GPR89A: variants seen among roughly 807,000 people sequenced by gnomAD.
GPR89A encodes G protein-coupled receptor 89A.
A neutral mutation model predicts 52.0 loss-of-function variants in GPR89A; 16 were observed. The ratio of observed to expected loss-of-function variants is 0.31; its 90% CI spans 0.21 to 0.47. GPR89A has a LOEUF of 0.47. GPR89A is among the 20% of genes least tolerant of loss of function. The pLI is 1.00. For missense variants in GPR89A, 135 were observed against 449.4 expected, an observed-to-expected ratio of 0.30 and a Z score of 6.33; for synonymous variants, 55 against 150.9, an observed-to-expected ratio of 0.36 and a Z score of 4.66.
chr1:145,633,210 GTTAA>G (rs1219303603), intron 7 of GPR89A, among the ~76,000 whole-genome samples: 1 of 77,248 alleles, frequency 1.3e-5, no homozygotes, highest in Non-Finnish European at 2.5e-5. Context: ...TCTTCACTCT[GTTAA>G]TTGTTTTCTT....
chr1:145,638,199 G>C lies in GPR89A; in HGVS notation c.618-5670G>C, dbSNP rs1395583665. Among the ~76,000 whole-genome samples the C allele has an allele frequency of 2.0e-5, 3 of 150,210 alleles. 1 individual carries two copies. In the East Asian group the frequency reaches 5.8e-4, roughly 29 times the overall value. ...TAAAATAAAAATAAAAATTGAGATA[G>C]AGTAATAGAAATTATTTAATCTGAA... On this transcript the variant is annotated intron_variant, in intron 7 of 13. Coordinates refer to ENST00000313835, the MANE Select transcript of GPR89A (RefSeq NM_001097612.2).
At chr1:145,625,465 GAGT>G (rs1444153319) in intron 5 of GPR89A, among the ~76,000 whole-genome samples, 4 of 139,600 alleles carry the variant, frequency 2.9e-5, no homozygotes, top group Non-Finnish European at 6.1e-5. Context: ...TCAGCCTCCT[GAGT>G]AACGGGGACT....
rs782540403 is a variant in GPR89A, at chr1:145,608,139, T to C, written c.6T>C (p.Ser2=). The change falls in exon 1 of 14, where the codon AGT becomes AGC. Residue 2 remains serine, a synonymous_variant. Transcript: ENST00000313835. M[S]FLIDSSIMIT... is the part of the protein sequence containing the mutation. ...AGCCTTCCTTACACTTCGCCATGAG[T>C]TTCCTCATCGACTCCAGCATCATGA... is the stretch of plus-strand genomic sequence containing the variant. 2 of 1,613,140 alleles carry C rather than the reference T, an allele frequency of 1.2e-6. No individual in the cohort carries two copies. Among genetic ancestry groups the C allele is most frequent in the Non-Finnish European group, 1.7e-6 (2 of 1,179,750 alleles).
At chr1:145,651,032 A>C (rs1343582408) in intron 10 of GPR89A, among the ~76,000 whole-genome samples, 1 of 151,850 alleles carries the variant, frequency 6.6e-6, no homozygotes, top group Non-Finnish European at 1.5e-5. Context: ...CTTTTGTGGC[A>C]ATTGCTTTTG....
chr1:145,658,166 T>TG (rs201655742), intron 10 of GPR89A, among the ~76,000 whole-genome samples: 2,960 of 152,062 alleles, frequency 0.019, 98 homozygotes, highest in African/African-American at 0.068. Flanking sequence ...ATAATGGGGT[T>TG]GGGGGGGAGC....
chr1:145,648,560 A>G (rs587627779), intron 10 of GPR89A, among the ~76,000 whole-genome samples: 2 of 150,944 alleles, frequency 1.3e-5, no homozygotes, highest in South Asian at 4.2e-4. Flanking sequence ...GCTCACTGCA[A>G]CCTCTGCCTC....
intron 10 of GPR89A, among the ~76,000 whole-genome samples, chr1:145,657,404 AT>A (rs1651882193): frequency 1.3e-5 from 2 of 149,000 alleles, no homozygotes; most frequent in South Asian, 4.2e-4. Context: ...AAAAAAAAAA[AT>A]TGATTCCATA....
chr1:145,624,431 AT>A (rs1354892295), intron 5 of GPR89A, among the ~76,000 whole-genome samples: 1 of 144,074 alleles, frequency 6.9e-6, no homozygotes, highest in Non-Finnish European at 1.5e-5. Flanking sequence ...ATCTAAAAAG[AT>A]TAGAGAATCT....
chr1:145,645,805 C>T, intron 8 of GPR89A: 1 of 375,850 alleles, frequency 2.7e-6, no homozygotes, highest in South Asian at 2.1e-5. Flanking sequence ...CCTTTTCTAA[C>T]ATTATATTCA....
Position 145,658,356 on chromosome 1 carries a change from A to G in GPR89A, c.910-4973A>G, listed in dbSNP as rs1445319051. On this transcript the variant is annotated intron_variant, in intron 10 of 13. Coordinates refer to ENST00000313835, the MANE Select transcript of GPR89A (RefSeq NM_001097612.2). ...ACAGTGGCAGATGCCTGTAATCCCA[A>G]CACTTTGGGAGGCTGAGGCAGGAGG... is the stretch of plus-strand genomic sequence containing the variant. 5.1e-3 allele frequency among the ~76,000 whole-genome samples: 745 copies of G among 146,614 alleles called. 3 individuals carry two copies. Among genetic ancestry groups the G allele is most frequent in the Non-Finnish European group, 7.9e-3 (521 of 66,132 alleles).
intron 11 of GPR89A, 127 bp downstream of exon 11, chr1:145,663,551 A>G (rs1553696009): frequency 1.0e-5 from 7 of 701,552 alleles, no homozygotes; most frequent in African/African-American, 1.8e-5. Context: ...CACTCTGTAT[A>G]TTTTGACGTA....
chr1:145,649,835 G>A (rs1651326062), intron 10 of GPR89A, among the ~76,000 whole-genome samples: 1 of 151,666 alleles, frequency 6.6e-6, no homozygotes, highest in African/African-American at 2.4e-5. Context: ...GCTAATATTA[G>A]ACATTCTAAT....
chr1:145,648,320 C>CT (rs1651188629), intron 10 of GPR89A, among the ~76,000 whole-genome samples: 13 of 151,590 alleles, frequency 8.6e-5, no homozygotes, highest in Non-Finnish European at 1.9e-4. Flanking sequence ...TGAGGATTTT[C>CT]ATTATATAAA....
chr1:145,621,057 A>G, intron 3 of GPR89A, among the ~76,000 whole-genome samples: 1 of 152,138 alleles, frequency 6.6e-6, no homozygotes, highest in Non-Finnish European at 1.5e-5. Flanking sequence ...AAAGCTGTCA[A>G]TGTATCTAGT....
chr1:145,623,809 ATGTATT>A (rs1649304646), intron 5 of GPR89A, 95 bp downstream of exon 5: 1 of 1,324,186 alleles, frequency 7.6e-7, no homozygotes. Context: ...TGGGGAAAAA[ATGTATT>A]TGGGGAAATA....
At chr1:145,648,641 A>G (rs142534110) in intron 10 of GPR89A, among the ~76,000 whole-genome samples, 4,529 of 151,478 alleles carry the variant, frequency 0.03, 186 homozygotes, top group African/African-American at 0.1. Flanking sequence ...CACCACGCCC[A>G]GCTAACTTTT....
At chr1:145,638,825 C>T (rs1303722495) in intron 7 of GPR89A, among the ~76,000 whole-genome samples, 5 of 124,816 alleles carry the variant, frequency 4.0e-5, no homozygotes, top group Non-Finnish European at 8.2e-5. Flanking sequence ...ACCAAATGAA[C>T]ATACAAAAAT....
intron 1 of GPR89A, among the ~76,000 whole-genome samples, chr1:145,614,413 A>G (rs1264482320): frequency 1.3e-5 from 2 of 152,144 alleles, no homozygotes; most frequent in East Asian, 3.8e-4. Context: ...CCTAGAGGGT[A>G]GTAACCATCC....
chr1:145,637,204 G>A (rs1342774243), intron 7 of GPR89A, among the ~76,000 whole-genome samples: 11 of 150,916 alleles, frequency 7.3e-5, no homozygotes, highest in African/African-American at 2.7e-4. Flanking sequence ...ATGACAGAAA[G>A]TGAAAGCTTT....
Sources: allele counts gnomAD v4.1 joint callset (sites outside exome capture counted in the v4.1 genomes callset), GRCh38; gene constraint gnomAD v4.1.1; transcripts MANE v1.5; gene names NCBI Gene and HGNC (gene_info 2026-07-23, HGNC 2026-07-21).